Variants in ATP13A4 observed in about 807,000 individuals in gnomAD.
ATP13A4 encodes the protein probable cation-transporting ATPase 13A4.
ATP13A4 carries 114 observed loss-of-function variants against 142.5 expected under a neutral mutation model. The ratio of observed to expected loss-of-function variants is 0.80; its 90% CI spans 0.69 to 0.93. ATP13A4 has a LOEUF of 0.93. ATP13A4 is among the 40% of genes least tolerant of loss of function. The pLI, the probability that ATP13A4 is intolerant of heterozygous loss-of-function variation, is 0.00. For missense variants in ATP13A4, 1,392 were observed against 1,454.0 expected (o/e 0.96, Z 0.69); for synonymous variants, 488 against 514.8 (o/e 0.95, Z 0.70).
intron 1 of ATP13A4, among the ~76,000 whole-genome samples, chr3:193,516,151 C>T (rs1213826598): frequency 6.6e-6 from 1 of 152,206 alleles, no homozygotes; most frequent in Non-Finnish European, 1.5e-5. Flanking sequence ...CTAGAATTGT[C>T]TCTTAGGATA....
chr3:193,462,923 T>A (rs1718038811), intron 12 of ATP13A4, 100 bp from the exon 13 acceptor site: 2 of 1,170,370 alleles, frequency 1.7e-6, no homozygotes, highest in Non-Finnish European at 2.5e-6. Flanking sequence ...GGCAAGAGGA[T>A]CACTTGAACT....
chr3:193,571,093 C>T (rs959522326), intron 2 of ATP13A4, among the ~76,000 whole-genome samples: 1 of 152,190 alleles, frequency 6.6e-6, no homozygotes, highest in African/African-American at 2.4e-5. Context: ...GCCTGGCCAA[C>T]ATGGCAAAAC....
intron 1 of ATP13A4, among the ~76,000 whole-genome samples, chr3:193,541,735 A>C (rs1207642733): frequency 1.3e-5 from 2 of 152,082 alleles, no homozygotes; most frequent in African/African-American, 4.8e-5. Flanking sequence ...TCTGACCCCA[A>C]CTCTAGGAGA....
intron 3 of ATP13A4, among the ~76,000 whole-genome samples, chr3:193,499,924 T>C (rs1395173625): frequency 1.3e-5 from 2 of 152,054 alleles, no homozygotes; most frequent in East Asian, 3.9e-4. Flanking sequence ...GGCCAGAAAA[T>C]AGAAAATTCC....
intron 18 of ATP13A4, among the ~76,000 whole-genome samples, chr3:193,445,085 A>G (rs1321896302): frequency 6.6e-6 from 1 of 152,222 alleles, no homozygotes; most frequent in Non-Finnish European, 1.5e-5. Flanking sequence ...GAACAACCAG[A>G]GCACATGACT....
At position 193,414,586 on chromosome 3, in the gene ATP13A4, T is replaced by A. The variant is rs1714953186; in HGVS notation, c.3007A>T (p.Ile1003Leu). The A allele has an allele frequency of 1.2e-6, 2 of 1,613,756 alleles. No homozygotes were observed. Among genetic ancestry groups the A allele is most frequent in the South Asian group, 1.1e-5 (1 of 91,082 alleles). Reference sequence around the variant, plus strand: ...CTGAGACTATACTCATACCTGTGTATCTCCACGGAATACCAAGGCTGCCTC... The same window carrying A: ...CTGAGACTATACTCATACCTGTGTAACTCCACGGAATACCAAGGCTGCCTC... ...VQRQPWYSVE[I>L]HSACTVQNES... is the part of the protein sequence containing the mutation. The change falls in exon 26 of 30, where the codon ATA becomes TTA. Residue 1003 changes from isoleucine to leucine, a missense_variant. Coordinates refer to ENST00000342695, the MANE Select transcript of ATP13A4 (RefSeq NM_032279.4).
chr3:193,549,981 C>T (rs893169918), intron 1 of ATP13A4, among the ~76,000 whole-genome samples: 15 of 151,956 alleles, frequency 9.9e-5, no homozygotes, highest in South Asian at 2.1e-4. Context: ...CAACATGTAG[C>T]GGGGAAAAGG....
intron 25 of ATP13A4, among the ~76,000 whole-genome samples, chr3:193,422,735 T>G (rs751253579): frequency 3.1e-4 from 46 of 149,404 alleles, no homozygotes; most frequent in Non-Finnish European, 5.6e-4. Context: ...AAAGCAGTAC[T>G]CAAAGGAAAG....
intron 2 of ATP13A4, among the ~76,000 whole-genome samples, chr3:193,562,383 A>G (rs1724035014): frequency 6.6e-6 from 1 of 152,266 alleles, no homozygotes. Flanking sequence ...TTATATGATT[A>G]AATGCACTAT....
chr3:193,464,972 A>G lies in ATP13A4; in HGVS notation c.1429T>C (p.Cys477Arg), dbSNP rs751601247. 1.2e-6 allele frequency: 2 copies of G among 1,614,162 alleles called. No homozygotes were observed. Among genetic ancestry groups the G allele is most frequent in the Admixed American group, 3.3e-5 (2 of 60,030 alleles). ...AAGCAGACAAGGTTTAACTGTCCAC[A>G]TACGTTGATCCTCTGGGGGCTAATG... ...FCISPQRINVCGQLNLVCFDK... is the reference protein window; with the variant it reads ...FCISPQRINVRGQLNLVCFDK... Residue 477 changes from cysteine (C) to arginine (R), a missense_variant, in exon 12 of 30, where the codon TGT becomes CGT. By Grantham distance (180) the Cys-to-Arg change is radical (BLOSUM62 -3). Coordinates refer to ENST00000342695, the MANE Select transcript of ATP13A4 (RefSeq NM_032279.4).
intron 8 of ATP13A4, 152 bp downstream of exon 8, chr3:193,483,784 A>G (rs1719443672): frequency 1.4e-6 from 1 of 730,184 alleles, no homozygotes; most frequent in East Asian, 2.9e-5. Context: ...TTTAAGGTAA[A>G]AAAAAAAACT....
intron 8 of ATP13A4, among the ~76,000 whole-genome samples, chr3:193,479,528 A>C (rs908358886): frequency 3.3e-5 from 5 of 152,166 alleles, no homozygotes; most frequent in Admixed American, 1.3e-4. Flanking sequence ...ATAGCTGCAA[A>C]ATACAATAAA....
chr3:193,551,197 A>G (rs1456760372), intron 1 of ATP13A4, among the ~76,000 whole-genome samples: 1 of 152,194 alleles, frequency 6.6e-6, no homozygotes, highest in Non-Finnish European at 1.5e-5. Flanking sequence ...GTGGATCACA[A>G]GGTCAAGAGA....
chr3:193,567,611 C>G (rs1234038723), intron 2 of ATP13A4, among the ~76,000 whole-genome samples: 1 of 152,064 alleles, frequency 6.6e-6, no homozygotes, highest in East Asian at 1.9e-4. Context: ...AATAAAGCAA[C>G]CTATGGTCAC....
chr3:193,557,384 G>C (rs1201595653), upstream of ATP13A4, among the ~76,000 whole-genome samples: 1 of 152,168 alleles, frequency 6.6e-6, no homozygotes, highest in African/African-American at 2.4e-5. Context: ...CCCTCATTTA[G>C]TGATTTTGGT....
intron 3 of ATP13A4, among the ~76,000 whole-genome samples, chr3:193,500,240 C>T (rs373206613): frequency 7.9e-5 from 12 of 152,290 alleles, no homozygotes; most frequent in African/African-American, 2.9e-4. Flanking sequence ...AAGATTTCCT[C>T]TCCCCGGGCT....
chr3:193,441,326 A>G, intron 20 of ATP13A4, 140 bp downstream of exon 20: 2 of 1,091,964 alleles, frequency 1.8e-6, no homozygotes, highest in Non-Finnish European at 2.7e-6. Context: ...CTTCTGCAAA[A>G]ATATCTGTCT....
intron 1 of ATP13A4, among the ~76,000 whole-genome samples, chr3:193,586,922 G>A (rs1349021939): frequency 6.6e-6 from 1 of 152,094 alleles, no homozygotes; most frequent in Non-Finnish European, 1.5e-5. Context: ...CTAATTTGGG[G>A]GAAAGTGATA....
At chr3:193,452,098 C>T (rs578002667) in intron 17 of ATP13A4, among the ~76,000 whole-genome samples, 1 of 152,270 alleles carries the variant, frequency 6.6e-6, no homozygotes, top group African/African-American at 2.4e-5. Flanking sequence ...TTGTTACGTG[C>T]ATGCATTTCA....
Sources: gnomAD v4.1 joint callset for allele counts (sites outside exome capture counted in the v4.1 genomes callset) on GRCh38, gnomAD v4.1.1 for gene constraint, MANE v1.5 for transcripts, NCBI Gene and HGNC (gene_info 2026-07-23, HGNC 2026-07-21) for gene names.